The following OTOP2 variants were observed in gnomAD, a reference collection of about 807,000 sequenced individuals.
The protein encoded by OTOP2 is otopetrin 2.
OTOP2 carries 41 observed loss-of-function variants against 47.4 expected under a neutral mutation model. That is an observed-to-expected ratio of 0.87 (90% confidence interval 0.67 to 1.12). The LOEUF (loss-of-function observed/expected upper bound fraction) is 1.12, where lower values mean the gene tolerates loss of function less well. Among genes scored for constraint, OTOP2 ranks in the 50% most tolerant of loss-of-function variants. The probability of loss-of-function intolerance (pLI) is 0.00; values close to 1 mark genes in which losing one functional copy is unlikely to be tolerated. For missense variants in OTOP2, 721 were observed against 752.2 expected (o/e 0.96, Z 0.49); for synonymous variants, 328 against 319.6 (o/e 1.03, Z -0.28).
Position 74,930,917 on chromosome 17 carries a change from G to T in OTOP2, c.1282G>T (p.Gly428Ter), listed in dbSNP as rs1392026313. 1 of 1,614,000 alleles carries T rather than the reference G, an allele frequency of 6.2e-7. No individual in the cohort carries two copies. Among genetic ancestry groups the T allele is most frequent in the Non-Finnish European group, 8.5e-7 (1 of 1,180,010 alleles). ...NMFIIESLHRGPPGAEPHSTH... is the reference protein window; with the variant it reads ...NMFIIESLHR ...GTTTATCATCGAGAGCCTTCACCGA[G>T]GACCGCCCGGGGCTGAGCCTCACAG... The change falls in exon 6 of 7, where the codon GGA becomes TGA. Residue 428 changes from glycine to a stop codon, truncating the protein, a stop_gained. Transcript: ENST00000331427. LOFTEE classifies it high-confidence loss of function. This position sits in a 1 kb window ranked among gnomAD's most constrained non-coding sequence, Gnocchi z 4.0.
In OTOP2 at chr17:74,924,755, C is replaced by T. The variant is rs753189877; in HGVS notation, c.123C>T (p.Leu41=). 6 of 1,609,492 alleles carry T rather than the reference C, an allele frequency of 3.7e-6. No individual in the cohort carries two copies. Among genetic ancestry groups the T allele is most frequent in the Non-Finnish European group, 5.1e-6 (6 of 1,178,448 alleles). ...LSVLLAVNVL[L]LACTLISGGA... ...TGCTGCTGGCGGTGAACGTGCTGCT[C>T]CTCGCCTGCACGCTCATCAGCGGCG... The change falls in exon 2 of 7, where the codon CTC becomes CTT. Residue 41 remains leucine, a synonymous_variant. Coordinates refer to ENST00000331427, the MANE Select transcript of OTOP2 (RefSeq NM_178160.3). This position sits in a 1 kb window ranked among gnomAD's most constrained non-coding sequence, Gnocchi z 7.7.
chr17:74,929,416 T>TTTTGTTTG (rs201281669), intron 5 of OTOP2, among the ~76,000 whole-genome samples: 9 of 151,902 alleles, frequency 5.9e-5, no homozygotes, highest in South Asian at 2.1e-4. Context: ...TGTTTTGTTT[T>TTTTGTTTG]TTTGTTTGTT....
At chr17:74,931,953 C>CAAAAA (rs5822060) in intron 6 of OTOP2, among the ~76,000 whole-genome samples, 37 of 84,046 alleles carry the variant, frequency 4.4e-4, no homozygotes, top group African/African-American at 1.2e-3. Context: ...GACACTCTGT[C>CAAAAA]AAAAAAAAAA....
chr17:74,928,549 G>A lies in OTOP2; in HGVS notation c.643+751G>A, dbSNP rs538272025. 2.0e-5 allele frequency among the ~76,000 whole-genome samples: 3 copies of A among 152,244 alleles called. No homozygotes were observed. In the East Asian group the frequency reaches 5.8e-4, roughly 29 times the overall value. ...CAATTTACTGAGGTCTGTATGTCAG[G>A]CACTGTGCTGAGTGTCTTAAACACT... On this transcript the variant is annotated intron_variant, in intron 5 of 6. Transcript: ENST00000331427.
At chr17:74,927,846 G>A (rs1262509337) in intron 5 of OTOP2, 48 bp downstream of exon 5, 18 of 1,594,382 alleles carry the variant, frequency 1.1e-5, no homozygotes, top group East Asian at 6.8e-5. Context: ...GCCTTGGGCC[G>A]GGTGCTTTGT....
intron 6 of OTOP2, among the ~76,000 whole-genome samples, chr17:74,932,219 C>T (rs767614723): frequency 2.6e-4 from 40 of 152,120 alleles, no homozygotes; most frequent in Admixed American, 2.0e-3. Flanking sequence ...AACAATCCTT[C>T]CAGCTAGAAC....
At chr17:74,925,454 A>T in intron 2 of OTOP2, 102 bp from the exon 3 acceptor site, 1 of 1,483,464 alleles carries the variant, frequency 6.7e-7, no homozygotes, top group Non-Finnish European at 9.2e-7. Flanking sequence ...CCATCCACCC[A>T]CCCATCTAGC....
intron 6 of OTOP2, among the ~76,000 whole-genome samples, chr17:74,931,953 CAAAAAAAA>C (rs5822060): frequency 1.2e-5 from 1 of 84,070 alleles, no homozygotes; most frequent in Non-Finnish European, 2.2e-5. Context: ...GACACTCTGT[CAAAAAAAA>C]AAAAAAAAAA....
At chr17:74,927,148 T>C (rs2039014802) in intron 3 of OTOP2, 75 bp from the exon 4 acceptor site, 5 of 1,321,718 alleles carry the variant, frequency 3.8e-6, no homozygotes, top group South Asian at 2.3e-5. Flanking sequence ...GAGAACAAGA[T>C]GGCATGGACT....
Position 74,930,588 on chromosome 17 carries a change from G to T in OTOP2, c.953G>T (p.Gly318Val). The T allele has an allele frequency of 6.2e-7, 1 of 1,613,998 alleles. No individual in the cohort carries two copies. The highest frequency in any genetic ancestry group is 8.5e-7 in the Non-Finnish European group (1 of 1,179,998). The stretch of plus-strand genomic sequence containing the variant: ...TACGAGGTTCAAGTGAGCGGGGACG[G>T]GAGCCGCACCAGGCAGGCCCTGGTC... ...IIYEVQVSGD[G>V]SRTRQALVIY... The change falls in exon 6 of 7, where the codon GGG becomes GTG. Residue 318 changes from glycine to valine, a missense_variant. Transcript: ENST00000331427. The surrounding 1 kb of genome is among the most constrained non-coding windows in gnomAD (Gnocchi z 4.0).
chr17:74,933,126 A>G lies in OTOP2; in HGVS notation c.1519-249A>G, dbSNP rs72844518. Among the ~76,000 whole-genome samples, 13,869 of 152,140 alleles carry G rather than the reference A, an allele frequency of 0.091. 875 individuals carry two copies. The highest frequency in any genetic ancestry group is 0.14 in the Non-Finnish European group (9,614 of 67,970). On this transcript the variant is annotated intron_variant, in intron 6 of 6. Coordinates refer to ENST00000331427, the MANE Select transcript of OTOP2 (RefSeq NM_178160.3). This position sits in a 1 kb window ranked among gnomAD's most constrained non-coding sequence, Gnocchi z 4.7. The stretch of plus-strand genomic sequence containing the variant: ...CCCTGCTAAGATTTTGGGAGAGGTG[A>G]TCACAGGTGTCCATGAGGTGGGCTA...
At chr17:74,927,200 C>T (rs1283563513) in intron 3 of OTOP2, 23 bp from the exon 4 acceptor site, 2 of 1,598,768 alleles carry the variant, frequency 1.3e-6, no homozygotes, top group African/African-American at 1.3e-5. Context: ...GTAAATGACT[C>T]TCACCAATGT....
At chr17:74,931,203 A>T (rs776086044) in intron 6 of OTOP2, 50 bp downstream of exon 6, 1 of 1,537,046 alleles carries the variant, frequency 6.5e-7, no homozygotes, top group Non-Finnish European at 8.8e-7. Flanking sequence ...AGACTGAGGA[A>T]GGATGCTCTT....
rs527499732 is a variant in OTOP2, at chr17:74,927,128, C to T, written c.451-95C>T. 5.2e-5 allele frequency: 61 copies of T among 1,162,322 alleles called. No individual in the cohort carries two copies. In the African/African-American group the frequency reaches 8.3e-4, roughly 16 times the overall value. 72.0% of individuals were successfully genotyped at this position (1,162,322 alleles called of 1,614,324 possible). A position where few individuals can be genotyped will look rare whatever the true frequency, so the allele number is the denominator to read the frequency against. ...ACCTGATAACTCAGTGTAAGGGTTCCTCAGGCGGAGAGAACAAGATGGCAT... is the reference window on the plus strand; with the variant it reads ...ACCTGATAACTCAGTGTAAGGGTTCTTCAGGCGGAGAGAACAAGATGGCAT... On this transcript the variant is annotated intron_variant, in intron 3 of 6. Coordinates refer to ENST00000331427, the MANE Select transcript of OTOP2 (RefSeq NM_178160.3).
Position 74,927,367 on chromosome 17 carries a change from C to T in OTOP2, c.509+86C>T, listed in dbSNP as rs538615191. On this transcript the variant is annotated intron_variant, in intron 4 of 6. Coordinates refer to ENST00000331427, the MANE Select transcript of OTOP2 (RefSeq NM_178160.3). Reference sequence around the variant, plus strand: ...TCAGGCTTTCCACCCTGGGGCAGGGCCTCTCTTTATGTCCCCTGGGTGGGG... The same window carrying T: ...TCAGGCTTTCCACCCTGGGGCAGGGTCTCTCTTTATGTCCCCTGGGTGGGG... 43 of 1,457,828 alleles carry T rather than the reference C, an allele frequency of 2.9e-5. 1 individual carries two copies. In the South Asian group the frequency reaches 4.7e-4, roughly 16 times the overall value. The allele number at this position is 1,457,828 out of a possible 1,614,324, so 90.3% of individuals were successfully genotyped here.
Position 74,924,714 on chromosome 17 carries a change from G to A in OTOP2, c.82G>A (p.Gly28Ser). The change falls in exon 2 of 7, where the codon GGC becomes AGC. Residue 28 changes from glycine (G) to serine (S), a missense_variant. Gly to Ser is a moderately conservative substitution (Grantham distance 56). Coordinates refer to ENST00000331427, the MANE Select transcript of OTOP2 (RefSeq NM_178160.3). The surrounding 1 kb of genome is among the most constrained non-coding windows in gnomAD (Gnocchi z 7.7). ...AGPREVWKKG[G>S]RLLSVLLAVN... ...CCCCAGGGAGGTGTGGAAGAAGGGT[G>A]GCCGCCTGCTGTCGGTGCTGCTGGC... 2.5e-6 allele frequency: 4 copies of A among 1,606,218 alleles called. No individual in the cohort carries two copies. Among genetic ancestry groups the A allele is most frequent in the Middle Eastern group, 3.3e-4 (2 of 6,046 alleles).
chr17:74,933,519 C>T lies in OTOP2; in HGVS notation c.1663C>T (p.Leu555=). The T allele has an allele frequency of 6.2e-7, 1 of 1,613,128 alleles. No individual in the cohort carries two copies. The highest frequency in any genetic ancestry group is 8.5e-7 in the Non-Finnish European group (1 of 1,179,244). Reference sequence around the variant, plus strand: ...CTACCGCATGCACGCTGTGTCCAGCCTGCTGGAGGTCTACGTGCTGTCCTG... The same window carrying T: ...CTACCGCATGCACGCTGTGTCCAGCTTGCTGGAGGTCTACGTGCTGTCCTG... ...IFYRMHAVSS[L]LEVYVLS The change falls in exon 7 of 7, where the codon CTG becomes TTG. Residue 555 remains leucine, a synonymous_variant. Coordinates refer to ENST00000331427, the MANE Select transcript of OTOP2 (RefSeq NM_178160.3). This position sits in a 1 kb window ranked among gnomAD's most constrained non-coding sequence, Gnocchi z 4.7.
chr17:74,928,871 C>T (rs1312153786), intron 5 of OTOP2, among the ~76,000 whole-genome samples: 1 of 152,146 alleles, frequency 6.6e-6, no homozygotes, highest in African/African-American at 2.4e-5. Context: ...CCCCTGCCCT[C>T]AGGGAGACCC....
At position 74,924,553 on chromosome 17, in the gene OTOP2, A is replaced by G; in HGVS notation, c.-33-47A>G. The G allele has an allele frequency of 3.5e-6, 5 of 1,415,292 alleles. No homozygotes were observed. Among genetic ancestry groups the G allele is most frequent in the Non-Finnish European group, 3.7e-6 (4 of 1,078,246 alleles). 87.7% of individuals were successfully genotyped at this position (1,415,292 alleles called of 1,614,324 possible). A position where few individuals can be genotyped will look rare whatever the true frequency, so the allele number is the denominator to read the frequency against. On this transcript the variant is annotated intron_variant, in intron 1 of 6. Coordinates refer to ENST00000331427, the MANE Select transcript of OTOP2 (RefSeq NM_178160.3). The surrounding 1 kb of genome is among the most constrained non-coding windows in gnomAD (Gnocchi z 7.7). ...AGTCTAGGGATGAGATGGGGGAAGG[A>G]GAGCCGTCAGGGTTGACCTGGAGTT...
Sources: gnomAD v4.1 joint callset for allele counts (sites outside exome capture counted in the v4.1 genomes callset) on GRCh38, gnomAD v4.1.1 for gene constraint, Gnocchi (gnomAD v3.1) non-coding constraint, MANE v1.5 for transcripts, NCBI Gene and HGNC (gene_info 2026-07-23, HGNC 2026-07-21) for gene names.